FNDC3A: variants seen among roughly 807,000 people sequenced by gnomAD.
FNDC3A encodes the protein fibronectin type III domain containing 3A.
In FNDC3A, 32 loss-of-function variants were observed where a neutral mutation model predicts 148.9. The ratio of observed to expected loss-of-function variants is 0.21; its 90% confidence interval spans 0.16 to 0.29. The LOEUF is 0.29. Among genes scored for constraint, FNDC3A ranks in the 10% least tolerant of loss-of-function variants. FNDC3A has a pLI of 1.00. For synonymous variants in FNDC3A, 472 were observed against 473.6 expected (o/e 1.00, Z 0.04); for missense variants, 1,191 against 1,452.8 (o/e 0.82, Z 2.93).
At chr13:49,167,803 G>A (rs1235501557) in intron 9 of FNDC3A, among the ~76,000 whole-genome samples, 1 of 152,098 alleles carries the variant, frequency 6.6e-6, no homozygotes, top group South Asian at 2.1e-4. Context: ...TACAGTCAAG[G>A]ACTAATCATC....
intron 1 of FNDC3A, among the ~76,000 whole-genome samples, chr13:48,978,511 AC>A (rs1951641775): frequency 6.6e-6 from 1 of 151,778 alleles, no homozygotes; most frequent in African/African-American, 2.4e-5. Context: ...GTAACCAAAA[AC>A]GTTTTTTTTT....
chr13:49,086,323 T>A (rs1174063538), intron 3 of FNDC3A, among the ~76,000 whole-genome samples: 1 of 152,196 alleles, frequency 6.6e-6, no homozygotes, highest in Non-Finnish European at 1.5e-5. Context: ...TGCTATTAAT[T>A]TATAGCCGTA....
At position 49,136,456 on chromosome 13, in the gene FNDC3A, A is replaced by G. The variant is rs111902916; in HGVS notation, c.615A>G (p.Pro205=). The G allele has an allele frequency of 2.0e-4, 326 of 1,614,160 alleles. No individual in the cohort carries two copies. The highest frequency in any genetic ancestry group is 1.8e-3 in the Middle Eastern group (11 of 6,062). ...GTQKDKMSSP[P]SSPQKCPSPI... ...AGAAAGATAAAATGAGCAGTCCACC[A>G]TCATCACCCCAGAAATGCCCTTCTC... The change falls in exon 6 of 26, where the codon CCA becomes CCG. Residue 205 remains proline (P), a synonymous_variant. Transcript: ENST00000492622.
At chr13:49,115,028 G>C (rs1003401356) in intron 4 of FNDC3A, among the ~76,000 whole-genome samples, 4 of 152,172 alleles carry the variant, frequency 2.6e-5, no homozygotes, top group African/African-American at 9.6e-5. Flanking sequence ...AGGTTGTAAA[G>C]GTGCCTACAC....
chr13:49,078,925 A>G (rs541427734), intron 3 of FNDC3A, among the ~76,000 whole-genome samples: 3 of 152,352 alleles, frequency 2.0e-5, no homozygotes, highest in East Asian at 3.9e-4. Flanking sequence ...TCTGACAGCC[A>G]CTATACTAAT....
chr13:48,997,572 A>T (rs531713023), intron 1 of FNDC3A, among the ~76,000 whole-genome samples: 1 of 152,190 alleles, frequency 6.6e-6, no homozygotes, highest in South Asian at 2.1e-4. Flanking sequence ...GTGTCCTTAG[A>T]AGAAGAAGAG....
intron 2 of FNDC3A, among the ~76,000 whole-genome samples, chr13:49,053,952 C>T (rs1187572043): frequency 6.6e-6 from 1 of 152,158 alleles, no homozygotes; most frequent in Non-Finnish European, 1.5e-5. Flanking sequence ...TCTTCCAGGG[C>T]TCTGCTGTCA....
chr13:49,035,863 A>T (rs1874452683), intron 2 of FNDC3A, among the ~76,000 whole-genome samples: 1 of 152,242 alleles, frequency 6.6e-6, no homozygotes, highest in East Asian at 1.9e-4. Flanking sequence ...TTGAGTTATT[A>T]TCCATCATGG....
At chr13:49,159,327 G>T (rs1010278991) in intron 8 of FNDC3A, among the ~76,000 whole-genome samples, 2 of 152,086 alleles carry the variant, frequency 1.3e-5, no homozygotes, top group African/African-American at 4.8e-5. Flanking sequence ...CCTTGAAGAG[G>T]TCCTTCACAT....
At chr13:49,199,377 G>A (rs1886317815) in intron 23 of FNDC3A, among the ~76,000 whole-genome samples, 1 of 150,114 alleles carries the variant, frequency 6.7e-6, no homozygotes, top group Admixed American at 6.6e-5. Flanking sequence ...CACCAGGCTG[G>A]AGTGCAGTGA....
intron 3 of FNDC3A, among the ~76,000 whole-genome samples, chr13:49,080,136 TGAAAA>T (rs978301794): frequency 1.6e-4 from 24 of 152,366 alleles, no homozygotes; most frequent in African/African-American, 5.8e-4. Context: ...ATATTTTTAA[TGAAAA>T]GAATTAAAAA....
rs1475234760 is a variant in FNDC3A, at chr13:49,013,746, C to T, written c.99+7457C>T. 1.9e-5 allele frequency among the ~76,000 whole-genome samples: 2 copies of T among 103,134 alleles called. 1 individual carries two copies. Among genetic ancestry groups the T allele is most frequent in the East Asian group, 8.0e-4 (2 of 2,508 alleles). The allele number at this position is 103,134 out of a possible 152,430, so 67.7% of individuals were successfully genotyped here. ...ATATCTCCCAATGCTATCCCTCCCC[C>T]CTCCCCCCACCCCACAACAGTCCCC... On this transcript the variant is annotated intron_variant, in intron 2 of 25. Transcript: ENST00000492622.
At chr13:49,056,485 A>G (rs1432101580) in intron 2 of FNDC3A, among the ~76,000 whole-genome samples, 1 of 152,138 alleles carries the variant, frequency 6.6e-6, no homozygotes, top group Non-Finnish European at 1.5e-5. Flanking sequence ...TTGAGAATTC[A>G]TGTCATTAAG....
intron 19 of FNDC3A, among the ~76,000 whole-genome samples, chr13:49,193,788 C>T (rs1193131092): frequency 1.3e-5 from 2 of 151,802 alleles, no homozygotes; most frequent in Non-Finnish European, 1.5e-5. Flanking sequence ...GGCATAGTGG[C>T]GTGTGCCTGT....
chr13:49,093,878 T>C (rs1879350543), intron 3 of FNDC3A, among the ~76,000 whole-genome samples: 1 of 152,220 alleles, frequency 6.6e-6, no homozygotes, highest in Non-Finnish European at 1.5e-5. Context: ...TATTGCATGA[T>C]GCTGGGGCAA....
chr13:49,104,813 C>T (rs1275085704), intron 3 of FNDC3A, among the ~76,000 whole-genome samples: 1 of 152,068 alleles, frequency 6.6e-6, no homozygotes, highest in East Asian at 1.9e-4. Context: ...TGCTTGAAGA[C>T]TTAAAGACTT....
At chr13:49,068,077 T>C (rs1439141464) in intron 2 of FNDC3A, among the ~76,000 whole-genome samples, 1 of 152,000 alleles carries the variant, frequency 6.6e-6, no homozygotes, top group Non-Finnish European at 1.5e-5. Flanking sequence ...GGCTGTCCTG[T>C]AATCCCAGCA....
intron 2 of FNDC3A, among the ~76,000 whole-genome samples, chr13:49,052,127 C>G (rs961731459): frequency 6.6e-6 from 1 of 152,156 alleles, no homozygotes; most frequent in Non-Finnish European, 1.5e-5. Flanking sequence ...CTTCACCCTT[C>G]TCTGATGCCT....
intron 4 of FNDC3A, among the ~76,000 whole-genome samples, chr13:49,120,729 A>C (rs905935952): frequency 2.6e-5 from 4 of 152,170 alleles, no homozygotes; most frequent in Non-Finnish European, 5.9e-5. Context: ...TAAACCAACA[A>C]AGATCAAAAA....
Sources: gnomAD v4.1 joint callset for allele counts (sites outside exome capture counted in the v4.1 genomes callset) on GRCh38, gnomAD v4.1.1 for gene constraint, MANE v1.5 for transcripts, NCBI Gene and HGNC (gene_info 2026-07-23, HGNC 2026-07-21) for gene names.